MED27: variants seen among roughly 807,000 people sequenced by gnomAD.
MED27 encodes the protein mediator complex subunit 27.
MED27 carries 30 observed loss-of-function variants against 38.2 expected under a neutral mutation model. The ratio of observed to expected loss-of-function variants is 0.79; its 90% confidence interval spans 0.59 to 1.07. The LOEUF is 1.07. Among genes scored for constraint, MED27 ranks in the 50% least tolerant of loss-of-function variants. The probability of loss-of-function intolerance (pLI) is 0.00; values close to 1 mark genes in which losing one functional copy is unlikely to be tolerated. For missense variants in MED27, 289 were observed against 397.5 expected (o/e 0.73, Z 2.32); for synonymous variants, 122 against 153.5 (o/e 0.79, Z 1.52).
At chr9:131,870,284 C>T (rs1838807566) in intron 6 of MED27, among the ~76,000 whole-genome samples, 1 of 152,206 alleles carries the variant, frequency 6.6e-6, no homozygotes, top group African/African-American at 2.4e-5. Flanking sequence ...AACAGGAGCC[C>T]AGCCTCTGGA....
At chr9:132,076,147 A>C (rs1013716727) in intron 2 of MED27, among the ~76,000 whole-genome samples, 2 of 152,196 alleles carry the variant, frequency 1.3e-5, no homozygotes, top group Non-Finnish European at 2.9e-5. Context: ...GCAGTCCTAG[A>C]GAGGGCAGGA....
intron 2 of MED27, among the ~76,000 whole-genome samples, chr9:132,045,212 T>C (rs924867907): frequency 2.0e-5 from 3 of 152,150 alleles, no homozygotes; most frequent in Non-Finnish European, 2.9e-5. Flanking sequence ...TATGCCAAGA[T>C]AGATACTCAA....
intron 3 of MED27, among the ~76,000 whole-genome samples, chr9:131,972,677 A>C (rs1831505029): frequency 6.6e-6 from 1 of 152,222 alleles, no homozygotes; most frequent in East Asian, 1.9e-4. Context: ...TAATGCTTTC[A>C]TGGGAACAAG....
chr9:132,038,901 A>C (rs1833143625), intron 2 of MED27, among the ~76,000 whole-genome samples: 1 of 152,182 alleles, frequency 6.6e-6, no homozygotes, highest in Non-Finnish European at 1.5e-5. Flanking sequence ...GAGTGACAGG[A>C]CCTAACTGTC....
intron 3 of MED27, among the ~76,000 whole-genome samples, chr9:131,996,302 T>C (rs190621116): frequency 1.3e-5 from 2 of 152,262 alleles, no homozygotes; most frequent in East Asian, 3.9e-4. Context: ...AACTCTGGCC[T>C]GAGAAAGGCA....
intron 2 of MED27, among the ~76,000 whole-genome samples, chr9:132,072,808 T>A (rs895890545): frequency 6.6e-6 from 1 of 152,066 alleles, no homozygotes; most frequent in Non-Finnish European, 1.5e-5. Context: ...TCTGAAGGAA[T>A]CTGTATTCCC....
Position 131,989,453 on chromosome 9 carries a change from CCTTTGTAGGTAAG to C in MED27, c.479+24871_479+24883del, listed in dbSNP as rs575435697. On this transcript the variant is annotated intron_variant, in intron 3 of 7. Transcript: ENST00000292035. ...GCTGCTGGACAGGGTCTGATTACCCCCTTTGTAGGTAAGCTATGTATTTTTTAATTGTGGTAAA... is the reference window on the plus strand; with the variant it reads ...GCTGCTGGACAGGGTCTGATTACCCCCTATGTATTTTTTAATTGTGGTAAA... Among the ~76,000 whole-genome samples, 374 of 152,258 alleles carry C rather than the reference CCTTTGTAGGTAAG, an allele frequency of 2.5e-3. 1 individual carries two copies. Among genetic ancestry groups the C allele is most frequent in the Non-Finnish European group, 4.2e-3 (286 of 68,016 alleles).
rs545817013 is a variant in MED27, at chr9:131,905,946, A to G, written c.574-11954T>C. Among the ~76,000 whole-genome samples, 3 of 152,296 alleles carry G rather than the reference A, an allele frequency of 2.0e-5. No individual in the cohort carries two copies. In the South Asian group the frequency reaches 6.2e-4, roughly 32 times the overall value. On this transcript the variant is annotated intron_variant, in intron 4 of 7. Coordinates refer to ENST00000292035, the MANE Select transcript of MED27 (RefSeq NM_004269.4). The stretch of plus-strand genomic sequence containing the variant: ...AGAGTGAGAAATGAAATAGACATTC[A>G]CAGAGCTAACAGTCTAGTGAAGGAG...
chr9:131,874,887 C>T (rs527550852), intron 6 of MED27, among the ~76,000 whole-genome samples: 8 of 152,330 alleles, frequency 5.3e-5, no homozygotes, highest in East Asian at 1.9e-4. Context: ...TCTGTAGGAA[C>T]GGCCCTGCAG....
chr9:131,936,491 T>C (rs907755767), intron 4 of MED27, among the ~76,000 whole-genome samples: 3 of 152,224 alleles, frequency 2.0e-5, no homozygotes, highest in Non-Finnish European at 4.4e-5. Context: ...TCCTTGCAGT[T>C]CTGTGGGGCT....
chr9:131,880,963 T>C (rs117012794), intron 6 of MED27, among the ~76,000 whole-genome samples: 1,545 of 148,132 alleles, frequency 0.01, 80 homozygotes, highest in Admixed American at 0.074. Context: ...TCATCAAGGG[T>C]ATTGGAATGG....
chr9:131,897,653 G>A (rs1342638399), intron 4 of MED27, among the ~76,000 whole-genome samples: 1 of 152,194 alleles, frequency 6.6e-6, no homozygotes, highest in Non-Finnish European at 1.5e-5. Flanking sequence ...AGGTGGAGGT[G>A]GAGGTGACAA....
At chr9:132,037,433 T>C (rs1421559550) in intron 2 of MED27, among the ~76,000 whole-genome samples, 1 of 152,150 alleles carries the variant, frequency 6.6e-6, no homozygotes, top group African/African-American at 2.4e-5. Context: ...CCACAGTGAC[T>C]GCCCAACGCG....
intron 4 of MED27, among the ~76,000 whole-genome samples, chr9:131,923,188 A>G: frequency 6.6e-6 from 1 of 152,224 alleles, no homozygotes; most frequent in African/African-American, 2.4e-5. Flanking sequence ...TTCTACATCC[A>G]TACATTAAAA....
chr9:132,075,300 G>C (rs956941845), intron 2 of MED27, among the ~76,000 whole-genome samples: 3 of 152,106 alleles, frequency 2.0e-5, no homozygotes, highest in Non-Finnish European at 2.9e-5. Context: ...CTCAGTTTGC[G>C]CACCTCTAAA....
At chr9:131,885,631 A>T (rs1589184995) in intron 5 of MED27, among the ~76,000 whole-genome samples, 1 of 152,318 alleles carries the variant, frequency 6.6e-6, no homozygotes, top group Non-Finnish European at 1.5e-5. Context: ...GGTCACACAC[A>T]GGGTACTTCA....
In MED27 at chr9:131,916,583, C is replaced by T. The variant is rs535014650; in HGVS notation, c.574-22591G>A. 1.1e-3 allele frequency among the ~76,000 whole-genome samples: 173 copies of T among 152,262 alleles called. 1 individual carries two copies. Among genetic ancestry groups the T allele is most frequent in the Non-Finnish European group, 2.0e-3 (138 of 68,016 alleles). ...ACTGTTCTTCGAACAACAAGGCTAA[C>T]GCTAATAATTTACATTGTCTCTTTG... is the stretch of plus-strand genomic sequence containing the variant. On this transcript the variant is annotated intron_variant, in intron 4 of 7. Coordinates refer to ENST00000292035, the MANE Select transcript of MED27 (RefSeq NM_004269.4).
At chr9:131,985,721 C>A (rs1397951972) in intron 3 of MED27, among the ~76,000 whole-genome samples, 10 of 151,388 alleles carry the variant, frequency 6.6e-5, no homozygotes, top group Non-Finnish European at 5.9e-5. Flanking sequence ...GCATATACTA[C>A]TTCTACTTAT....
intron 2 of MED27, among the ~76,000 whole-genome samples, chr9:132,063,424 C>T (rs1833741546): frequency 6.6e-6 from 1 of 152,170 alleles, no homozygotes; most frequent in African/African-American, 2.4e-5. Flanking sequence ...AGGAAATTAC[C>T]ACGTTCTGGC....
Sources: allele counts gnomAD v4.1 joint callset (sites outside exome capture counted in the v4.1 genomes callset), GRCh38; gene constraint gnomAD v4.1.1; transcripts MANE v1.5; gene names NCBI Gene and HGNC (gene_info 2026-07-23, HGNC 2026-07-21).